BMPER: variants seen among roughly 807,000 people sequenced by gnomAD.
The protein encoded by BMPER is BMP binding endothelial regulator, also known as BMP-binding endothelial regulator protein.
A neutral mutation model predicts 87.3 loss-of-function variants in BMPER; 45 were observed. The observed-to-expected ratio is 0.52, with a 90% CI of 0.41 to 0.66. The LOEUF (loss-of-function observed/expected upper bound fraction) is 0.66, where lower values mean the gene tolerates loss of function less well. Ranked by LOEUF, BMPER falls within the 30% of genes least tolerant of loss-of-function variation. The pLI is 0.00. For missense variants in BMPER, 784 were observed against 867.5 expected (o/e 0.90, Z 1.21); for synonymous variants, 326 against 316.2 (o/e 1.03, Z -0.33).
chr7:34,081,034 A>G (rs1246019778), intron 12 of BMPER, among the ~76,000 whole-genome samples: 1 of 152,028 alleles, frequency 6.6e-6, no homozygotes, highest in African/African-American at 2.4e-5. Context: ...GATGCAAGTA[A>G]TTTTCATGGA....
chr7:34,018,492 C>T lies in BMPER; in HGVS notation c.577-27814C>T, dbSNP rs78153569. On this transcript the variant is annotated intron_variant, in intron 6 of 14. Transcript: ENST00000649409. The stretch of plus-strand genomic sequence containing the variant: ...TAGAAAAGCTGTGCATGAATCTTAT[C>T]GTCACCTTCAAAAGGGCCTGGCAAA... Among the ~76,000 whole-genome samples, 419 of 151,996 alleles carry T rather than the reference C, an allele frequency of 2.8e-3. 7 individuals are homozygous for T. The East Asian group carries it at 0.042, about 15-fold the overall frequency.
chr7:33,955,391 C>A (rs902132983), intron 3 of BMPER, among the ~76,000 whole-genome samples: 1 of 152,158 alleles, frequency 6.6e-6, no homozygotes, highest in African/African-American at 2.4e-5. Flanking sequence ...GCTGGCTGCA[C>A]AGTTCTAAAA....
intron 11 of BMPER, among the ~76,000 whole-genome samples, chr7:34,062,695 C>G (rs1334492750): frequency 2.6e-5 from 4 of 152,172 alleles, no homozygotes; most frequent in African/African-American, 9.7e-5. Context: ...TACTGCACAC[C>G]TAGCCTATAT....
intron 8 of BMPER, among the ~76,000 whole-genome samples, chr7:34,054,335 A>G (rs1414831718): frequency 1.3e-5 from 2 of 152,162 alleles, no homozygotes; most frequent in East Asian, 3.9e-4. Flanking sequence ...ACGGTGAAAT[A>G]TGCATTGTTT....
At chr7:34,115,552 G>A (rs183418137) in intron 13 of BMPER, among the ~76,000 whole-genome samples, 1 of 152,098 alleles carries the variant, frequency 6.6e-6, no homozygotes, top group African/African-American at 2.4e-5. Flanking sequence ...TGTCTCTATA[G>A]ATTTTCCCAT....
intron 11 of BMPER, 106 bp from the exon 12 acceptor site, chr7:34,078,751 A>T: frequency 8.8e-7 from 1 of 1,131,722 alleles, no homozygotes; most frequent in Non-Finnish European, 1.3e-6. Context: ...GATTTCCCTT[A>T]GTGCATTTCT....
chr7:34,046,547 C>T, intron 7 of BMPER, 142 bp downstream of exon 7: 1 of 871,144 alleles, frequency 1.1e-6, no homozygotes. Flanking sequence ...CTTCTAATTA[C>T]AGAAGTGGAA....
chr7:34,001,249 A>C (rs977983783), intron 6 of BMPER, among the ~76,000 whole-genome samples: 1 of 151,904 alleles, frequency 6.6e-6, no homozygotes, highest in East Asian at 1.9e-4. Context: ...ACTTGTGTTA[A>C]TTGTTTTTTA....
chr7:34,121,502 A>G (rs1176112182), intron 13 of BMPER, among the ~76,000 whole-genome samples: 2 of 151,960 alleles, frequency 1.3e-5, no homozygotes, highest in African/African-American at 2.4e-5. Flanking sequence ...TTAGTCTTCC[A>G]CTCTTGAAGT....
At chr7:33,916,974 C>A (rs1784100282) in intron 2 of BMPER, among the ~76,000 whole-genome samples, 1 of 152,106 alleles carries the variant, frequency 6.6e-6, no homozygotes, top group Non-Finnish European at 1.5e-5. Context: ...TATATAAACA[C>A]TGTCTTTTTT....
chr7:33,932,375 C>T (rs1363875552), intron 2 of BMPER, among the ~76,000 whole-genome samples: 1 of 152,188 alleles, frequency 6.6e-6, no homozygotes, highest in Non-Finnish European at 1.5e-5. Context: ...AAAAAAATAC[C>T]ACAACCTCAC....
chr7:33,955,587 C>A, intron 3 of BMPER, among the ~76,000 whole-genome samples: 1 of 152,120 alleles, frequency 6.6e-6, no homozygotes, highest in East Asian at 1.9e-4. Flanking sequence ...AAACATAGGC[C>A]GGCTTCATCC....
intron 6 of BMPER, among the ~76,000 whole-genome samples, chr7:34,000,398 T>C (rs1786548977): frequency 6.6e-6 from 1 of 152,160 alleles, no homozygotes; most frequent in Non-Finnish European, 1.5e-5. Flanking sequence ...TTGGGGAAAT[T>C]TGAAGGTTGA....
chr7:33,935,484 G>T (rs147665436), intron 2 of BMPER, among the ~76,000 whole-genome samples: 16 of 152,118 alleles, frequency 1.1e-4, no homozygotes, highest in African/African-American at 3.9e-4. Context: ...GTTGTAATGT[G>T]CAGCTAAGGA....
chr7:33,930,992 CT>C (rs1784466549), intron 2 of BMPER, among the ~76,000 whole-genome samples: 1 of 152,140 alleles, frequency 6.6e-6, no homozygotes, highest in Non-Finnish European at 1.5e-5. Flanking sequence ...TCTTTGGTTG[CT>C]GCCAACACAC....
intron 11 of BMPER, among the ~76,000 whole-genome samples, chr7:34,070,705 A>G (rs1203128088): frequency 6.6e-6 from 1 of 152,096 alleles, no homozygotes; most frequent in Non-Finnish European, 1.5e-5. Context: ...GGTCAAGTAA[A>G]CTTAAATGTG....
intron 13 of BMPER, among the ~76,000 whole-genome samples, chr7:34,121,897 G>C (rs1221501869): frequency 6.6e-6 from 1 of 152,118 alleles, no homozygotes; most frequent in African/African-American, 2.4e-5. Flanking sequence ...CAAGGCAGGA[G>C]TACTGCTTGA....
intron 3 of BMPER, among the ~76,000 whole-genome samples, chr7:33,945,789 G>C (rs1166720487): frequency 6.6e-6 from 1 of 152,132 alleles, no homozygotes; most frequent in Admixed American, 6.5e-5. Flanking sequence ...CTTCACAACA[G>C]TGAGGTAATT....
At chr7:34,103,089 G>A (rs923820262) in intron 13 of BMPER, among the ~76,000 whole-genome samples, 1 of 152,174 alleles carries the variant, frequency 6.6e-6, no homozygotes, top group Non-Finnish European at 1.5e-5. Context: ...TCCTCTGGGA[G>A]AGTGGAAGGG....
Sources: gnomAD v4.1 joint callset for allele counts (sites outside exome capture counted in the v4.1 genomes callset) on GRCh38, gnomAD v4.1.1 for gene constraint, MANE v1.5 for transcripts, NCBI Gene and HGNC (gene_info 2026-07-23, HGNC 2026-07-21) for gene names.